LIFR: variants seen among roughly 807,000 people sequenced by gnomAD.
LIFR encodes the protein LIF receptor subunit alpha.
Under a neutral mutation model 122.2 loss-of-function variants are expected in LIFR, and 84 were observed. The observed-to-expected ratio is 0.69, with a 90% CI of 0.58 to 0.82. The LOEUF is 0.82. LIFR is among the 40% of genes least tolerant of loss of function. The pLI is 0.00. For synonymous variants in LIFR, 422 were observed against 434.7 expected (o/e 0.97, Z 0.36); for missense variants, 1,294 against 1,311.6 (o/e 0.99, Z 0.21).
At chr5:38,566,705 C>G (rs1749036172) in intron 1 of LIFR, among the ~76,000 whole-genome samples, 1 of 152,170 alleles carries the variant, frequency 6.6e-6, no homozygotes, top group Non-Finnish European at 1.5e-5. Flanking sequence ...CGCTTCCCAA[C>G]AGTCATCCCT....
rs1332249199 is a variant in LIFR, at chr5:38,499,636, G to T, written c.1601-53C>A. The T allele has an allele frequency of 8.6e-5, 105 of 1,220,798 alleles. 2 individuals are homozygous for T. In the Admixed American group the frequency reaches 1.7e-3, roughly 19 times the overall value. The allele number at this position is 1,220,798 out of a possible 1,614,324, so 75.6% of individuals were successfully genotyped here. A position where few individuals can be genotyped will look rare whatever the true frequency, so the allele number is the denominator to read the frequency against. On this transcript the variant is annotated intron_variant, in intron 11 of 19. Coordinates refer to ENST00000453190, the MANE Select transcript of LIFR (RefSeq NM_001127671.2). Reference sequence around the variant, plus strand: ...CTGAAGACACATACTATATGTATATGGTGCTTGGCATTTTTTTTCTAGGAT... The same window carrying T: ...CTGAAGACACATACTATATGTATATTGTGCTTGGCATTTTTTTTCTAGGAT...
chr5:38,523,369 T>A lies in LIFR; in HGVS notation c.561+50A>T, dbSNP rs780621686. On this transcript the variant is annotated intron_variant, in intron 5 of 19. Transcript: ENST00000453190. ...CCACCTTAAGGCTTCTTAAAAAAAATTATTCAGTTTCTTTAATGTCATAGG... is the reference window on the plus strand; with the variant it reads ...CCACCTTAAGGCTTCTTAAAAAAAAATATTCAGTTTCTTTAATGTCATAGG... The A allele has an allele frequency of 1.1e-5, 16 of 1,502,742 alleles. 1 individual carries two copies. The African/African-American group carries it at 2.0e-4, about 18-fold the overall frequency. The allele number at this position is 1,502,742 out of a possible 1,614,324, so 93.1% of individuals were successfully genotyped here.
chr5:38,554,682 G>T (rs1338602398), intron 1 of LIFR, among the ~76,000 whole-genome samples: 3 of 152,262 alleles, frequency 2.0e-5, no homozygotes, highest in African/African-American at 7.2e-5. Flanking sequence ...AACACGTACA[G>T]AATGTTTACA....
At chr5:38,605,283 A>G (rs1042236715) in intron 2 of LIFR, among the ~76,000 whole-genome samples, 5 of 152,094 alleles carry the variant, frequency 3.3e-5, no homozygotes, top group African/African-American at 7.2e-5. Context: ...CCCATTTTGC[A>G]TAGAGGCAGG....
chr5:38,481,427 A>G lies in LIFR; in HGVS notation c.*168T>C, dbSNP rs1354686639. ...TCTGAGTCACTATACTTTGGCTTTTAGACTACATTAAAAGCACATGAACAC... is the reference window on the plus strand; with the variant it reads ...TCTGAGTCACTATACTTTGGCTTTTGGACTACATTAAAAGCACATGAACAC... On this transcript the variant is annotated 3_prime_UTR_variant, in exon 20 of 20. Coordinates refer to ENST00000453190, the MANE Select transcript of LIFR (RefSeq NM_001127671.2). 1.2e-5 allele frequency: 9 copies of G among 761,564 alleles called. No individual in the cohort carries two copies. The highest frequency in any genetic ancestry group is 2.3e-5 in the Admixed American group (1 of 43,718). The allele number at this position is 761,564 out of a possible 1,614,324, so 47.2% of individuals were successfully genotyped here. A position where few individuals can be genotyped will look rare whatever the true frequency, so the allele number is the denominator to read the frequency against.
intron 7 of LIFR, among the ~76,000 whole-genome samples, chr5:38,509,389 C>T (rs1464692105): frequency 6.6e-6 from 1 of 152,050 alleles, no homozygotes; most frequent in Non-Finnish European, 1.5e-5. Context: ...CACTTGAATT[C>T]CAAATGCATT....
intron 2 of LIFR, among the ~76,000 whole-genome samples, chr5:38,605,551 C>A (rs541538799): frequency 1.3e-5 from 2 of 152,194 alleles, no homozygotes; most frequent in South Asian, 2.1e-4. Context: ...AATTTTGGGA[C>A]CCCCAAATCA....
chr5:38,551,979 G>C (rs968027122), intron 1 of LIFR, among the ~76,000 whole-genome samples: 1 of 152,272 alleles, frequency 6.6e-6, no homozygotes, highest in African/African-American at 2.4e-5. Flanking sequence ...GGGCATCTAA[G>C]CCTCTAAATT....
upstream of LIFR, among the ~76,000 whole-genome samples, chr5:38,598,339 C>T (rs1050520254): frequency 5.4e-5 from 8 of 147,100 alleles, no homozygotes; most frequent in South Asian, 2.2e-4. Context: ...CTCCCCCTCC[C>T]GAGTTGAAGC....
chr5:38,525,138 C>T (rs1203641547), intron 4 of LIFR, among the ~76,000 whole-genome samples: 1 of 152,152 alleles, frequency 6.6e-6, no homozygotes, highest in Non-Finnish European at 1.5e-5. Flanking sequence ...CCTTGAAAAT[C>T]ATTAACTCTC....
Position 38,600,502 on chromosome 5 carries a change from T to C in LIFR, n.306-5119A>G, listed in dbSNP as rs112013327. ...TGGCAAGTTGCCTATAACTTCTGCA[T>C]TGCCAAATCTACTGGCCTGTTCTCA... On this transcript the variant is annotated intron_variant and non_coding_transcript_variant, in intron 2 of 3. Transcript: ENST00000507786. 3.4e-3 allele frequency among the ~76,000 whole-genome samples: 512 copies of C among 152,352 alleles called. 11 individuals carry two copies. In the East Asian group the frequency reaches 0.04, roughly 12 times the overall value.
At chr5:38,548,052 T>C (rs906284320) in intron 1 of LIFR, among the ~76,000 whole-genome samples, 4 of 152,100 alleles carry the variant, frequency 2.6e-5, no homozygotes, top group African/African-American at 9.7e-5. Flanking sequence ...ATTGCCACTC[T>C]CTCTCAGTAA....
intron 1 of LIFR, among the ~76,000 whole-genome samples, chr5:38,594,011 T>C (rs1750016783): frequency 6.6e-6 from 1 of 152,084 alleles, no homozygotes; most frequent in Non-Finnish European, 1.5e-5. Context: ...GAAAAGTATA[T>C]GCTAGATGGA....
chr5:38,475,566 C>T lies in LIFR; in HGVS notation c.*6029G>A. 5.3e-6 allele frequency: 1 copy of T among 188,920 alleles called. No individual in the cohort carries two copies. Among genetic ancestry groups the T allele is most frequent in the East Asian group, 8.6e-5 (1 of 11,582 alleles). 11.7% of individuals were successfully genotyped at this position (188,920 alleles called of 1,614,324 possible). ...CCAAACAAAAATTAGTAAACAGTTA[C>T]TAGTATTTATAAAAAACTTAAAATA... On this transcript the variant is annotated 3_prime_UTR_variant, in exon 20 of 20. Transcript: ENST00000453190.
chr5:38,486,637 T>A (rs1423555640), intron 16 of LIFR, among the ~76,000 whole-genome samples: 2 of 152,186 alleles, frequency 1.3e-5, no homozygotes, highest in African/African-American at 4.8e-5. Context: ...TACCAGCTCC[T>A]CCCCTCGCCC....
rs191677331 is a variant in LIFR, at chr5:38,546,713, C to T, written c.-20+9621G>A. Among the ~76,000 whole-genome samples, 292 of 152,266 alleles carry T rather than the reference C, an allele frequency of 1.9e-3. 1 individual carries two copies. Among genetic ancestry groups the T allele is most frequent in the Non-Finnish European group, 3.7e-3 (249 of 68,030 alleles). On this transcript the variant is annotated intron_variant, in intron 1 of 19. Transcript: ENST00000453190. ...GAGAAAGTGATATATTTCTGATTGT[C>T]TCTATATCAAAAGCATAAAGACAAA...
upstream of LIFR, among the ~76,000 whole-genome samples, chr5:38,597,591 C>T (rs926531205): frequency 1.3e-5 from 2 of 152,158 alleles, no homozygotes; most frequent in Non-Finnish European, 2.9e-5. Context: ...TGAGGTAGTG[C>T]TACTAGCATC....
intron 1 of LIFR, among the ~76,000 whole-genome samples, chr5:38,578,283 C>T (rs1223852658): frequency 1.1e-4 from 16 of 146,156 alleles, no homozygotes; most frequent in Admixed American, 8.4e-4. Flanking sequence ...CTCGGCTCAC[C>T]GCAACGTCTG....
At chr5:38,503,659 T>C (rs1480934126) in intron 10 of LIFR, among the ~76,000 whole-genome samples, 1 of 152,232 alleles carries the variant, frequency 6.6e-6, no homozygotes, top group Non-Finnish European at 1.5e-5. Context: ...ACTTCTGCTG[T>C]CTAGTGCCAA....
Sources: allele counts gnomAD v4.1 joint callset (sites outside exome capture counted in the v4.1 genomes callset), GRCh38; gene constraint gnomAD v4.1.1; transcripts MANE v1.5; gene names NCBI Gene and HGNC (gene_info 2026-07-23, HGNC 2026-07-21).